Variants in KLHL28 observed in about 807,000 individuals in gnomAD.
KLHL28 encodes the protein kelch like family member 28.
A neutral mutation model predicts 48.3 loss-of-function variants in KLHL28; 22 were observed. That is an observed-to-expected ratio of 0.46 (90% CI 0.33 to 0.65). The LOEUF (loss-of-function observed/expected upper bound fraction) is 0.65. KLHL28 is among the 30% of genes least tolerant of loss of function. The pLI, the probability that KLHL28 is intolerant of heterozygous loss-of-function variation, is 0.03. For synonymous variants in KLHL28, 243 were observed against 242.4 expected (o/e 1.00, Z -0.02); for missense variants, 527 against 704.3 (o/e 0.75, Z 2.85).
At chr14:44,940,210 C>A (rs992677587) in intron 2 of KLHL28, among the ~76,000 whole-genome samples, 2 of 152,216 alleles carry the variant, frequency 1.3e-5, no homozygotes, top group African/African-American at 2.4e-5. Context: ...TAGCATTAAT[C>A]CCTTCATGAG....
At chr14:44,931,847 C>G (rs949766266) in intron 3 of KLHL28, among the ~76,000 whole-genome samples, 10 of 152,018 alleles carry the variant, frequency 6.6e-5, no homozygotes, top group Admixed American at 1.3e-4. Context: ...TAGGGCTGAA[C>G]GAACCTTAAC....
rs1566572543 is a variant in KLHL28 at position 44,945,761 on chromosome 14, G to A, written c.168C>T (p.Val56=). ...IHAHKVVLAS[V]SPYFKAMFTG... The stretch of plus-strand genomic sequence containing the variant: ...TGAACATAGCTTTGAAATACGGGCT[G>A]ACGCTGGCAAGTACCACTTTGTGAG... Residue 56 remains valine, a synonymous_variant, in exon 2 of 5, where the codon GTC becomes GTT. Transcript: ENST00000396128. 2 of 1,614,158 alleles carry A rather than the reference G, an allele frequency of 1.2e-6. No homozygotes were observed. Among genetic ancestry groups the A allele is most frequent in the Non-Finnish European group, 1.7e-6 (2 of 1,180,028 alleles).
intron 3 of KLHL28, 35 bp downstream of exon 3, chr14:44,934,080 A>T: frequency 6.7e-7 from 1 of 1,495,774 alleles, no homozygotes; most frequent in Non-Finnish European, 9.1e-7. Flanking sequence ...TTAAAAATCC[A>T]TAAACATATG....
chr14:44,943,325 A>C (rs1205993371), intron 2 of KLHL28, among the ~76,000 whole-genome samples: 1 of 152,226 alleles, frequency 6.6e-6, no homozygotes, highest in African/African-American at 2.4e-5. Context: ...TTCTATGTGT[A>C]GCCCAGTCTC....
intron 2 of KLHL28, among the ~76,000 whole-genome samples, chr14:44,938,303 A>G (rs1883910338): frequency 1.3e-5 from 2 of 152,168 alleles, no homozygotes; most frequent in Non-Finnish European, 2.9e-5. Flanking sequence ...CTCCTTCCAA[A>G]AGGGAGAAAA....
intron 4 of KLHL28, among the ~76,000 whole-genome samples, chr14:44,930,669 C>G (rs931358776): frequency 1.3e-5 from 2 of 152,208 alleles, no homozygotes; most frequent in Non-Finnish European, 2.9e-5. Flanking sequence ...ACCTGGTAAG[C>G]ATAATTCAAA....
chr14:44,928,939 G>A lies in KLHL28; in HGVS notation c.*89C>T, dbSNP rs1170921883. ...TACTTCAAGTTAAAAAGAAAGCAAT[G>A]CAGCTTGTGGGTTTCAGAAAACTGG... On this transcript the variant is annotated 3_prime_UTR_variant, in exon 5 of 5. Transcript: ENST00000396128. 3 of 1,187,920 alleles carry A rather than the reference G, an allele frequency of 2.5e-6. No individual in the cohort carries two copies. Among genetic ancestry groups the A allele is most frequent in the African/African-American group, 3.1e-5 (2 of 64,986 alleles). 73.6% of individuals were successfully genotyped at this position (1,187,920 alleles called of 1,614,324 possible).
rs1024025888 is a variant in KLHL28 at position 44,945,776 on chromosome 14, C to T, written c.153G>A (p.Val51=). 8.7e-6 allele frequency: 14 copies of T among 1,614,106 alleles called. No homozygotes were observed. The Middle Eastern group carries it at 4.9e-4, about 57-fold the overall frequency. The change falls in exon 2 of 5, where the codon GTG becomes GTA. Residue 51 remains valine (V), a synonymous_variant. Coordinates refer to ENST00000396128, the MANE Select transcript of KLHL28 (RefSeq NM_017658.5). ...VGDVKIHAHK[V]VLASVSPYFK... is the part of the protein sequence containing the mutation. ...AATACGGGCTGACGCTGGCAAGTAC[C>T]ACTTTGTGAGCATGAATTTTAACAT...
rs180773730 is a variant in KLHL28, at chr14:44,953,909, A to G, written c.-1+7937T>C. Among the ~76,000 whole-genome samples, 311 of 152,338 alleles carry G rather than the reference A, an allele frequency of 2.0e-3. 1 individual carries two copies. Among genetic ancestry groups the G allele is most frequent in the African/African-American group, 7.3e-3 (302 of 41,592 alleles). ...TGGAATAAAGAAATCGTAAGTAAAA[A>G]TATAAATGAGACTGAGAAAAATATT... On this transcript the variant is annotated intron_variant, in intron 1 of 4. Transcript: ENST00000396128.
At chr14:44,930,126 C>G (rs955907413) in intron 4 of KLHL28, among the ~76,000 whole-genome samples, 1 of 152,084 alleles carries the variant, frequency 6.6e-6, no homozygotes, top group Non-Finnish European at 1.5e-5. Context: ...GTGGCTTTCC[C>G]TCTCAAGGAT....
rs1324249576 is a variant in KLHL28, at chr14:44,924,479, A to C, written c.*4549T>G. The C allele has an allele frequency of 2.6e-5, 4 of 152,602 alleles. No homozygotes were observed. Among genetic ancestry groups the C allele is most frequent in the Non-Finnish European group, 5.9e-5 (4 of 68,010 alleles). The allele number at this position is 152,602 out of a possible 1,614,324, so 9.5% of individuals were successfully genotyped here. ...AATGACACTTTAGTGTGTAAACATA[A>C]ATAAAATAAAACCCTGATGCTAAAA... On this transcript the variant is annotated 3_prime_UTR_variant, in exon 5 of 5. Transcript: ENST00000396128.
At chr14:44,940,029 G>T (rs529807946) in intron 2 of KLHL28, among the ~76,000 whole-genome samples, 1 of 152,326 alleles carries the variant, frequency 6.6e-6, no homozygotes, top group Non-Finnish European at 1.5e-5. Context: ...AGTTTTGGGG[G>T]CTGTAAAGTC....
chr14:44,940,317 C>G (rs928448064), intron 2 of KLHL28, among the ~76,000 whole-genome samples: 1 of 152,132 alleles, frequency 6.6e-6, no homozygotes, highest in African/African-American at 2.4e-5. Context: ...TTTGGAGGGA[C>G]ACATTTAAAC....
chr14:44,953,863 A>C (rs762610031), intron 1 of KLHL28, among the ~76,000 whole-genome samples: 11 of 152,206 alleles, frequency 7.2e-5, no homozygotes, highest in Non-Finnish European at 1.2e-4. Flanking sequence ...AATAGGTAAA[A>C]CTGATTACAT....
chr14:44,950,722 T>C (rs749452622), intron 1 of KLHL28, among the ~76,000 whole-genome samples: 19 of 152,308 alleles, frequency 1.2e-4, no homozygotes, highest in Admixed American at 3.3e-4. Context: ...ATAGACAAAA[T>C]TGTATAAAAA....
In KLHL28 at chr14:44,931,544, GC is replaced by G. The variant is rs1883589046; in HGVS notation, c.1344-4del. 6.2e-7 allele frequency: 1 copy of G among 1,600,002 alleles called. No individual in the cohort carries two copies. The highest frequency in any genetic ancestry group is 1.3e-5 in the African/African-American group (1 of 74,280). On this transcript the variant is annotated splice_region_variant and splice_polypyrimidine_tract_variant and intron_variant, in intron 3 of 4. Transcript: ENST00000396128. ...TACTTGGATCATAACGCTCCACACT[GC>G]AAATATTTAAAAAAAATTTAATTTA...
chr14:44,937,878 AACTC>A (rs1427941943), intron 2 of KLHL28, among the ~76,000 whole-genome samples: 1 of 152,094 alleles, frequency 6.6e-6, no homozygotes, highest in African/African-American at 2.4e-5. Flanking sequence ...CTCTAGCAAT[AACTC>A]ACTCACTCCC....
At chr14:44,947,010 T>C (rs1166045398) in intron 1 of KLHL28, among the ~76,000 whole-genome samples, 1 of 152,178 alleles carries the variant, frequency 6.6e-6, no homozygotes, top group Non-Finnish European at 1.5e-5. Context: ...GGCAGAATAA[T>C]GGCTCCCCAA....
Position 44,934,484 on chromosome 14 carries a change from C to A in KLHL28, c.974G>T (p.Gly325Val). Residue 325 changes from glycine (G) to valine (V), a missense_variant, in exon 3 of 5, where the codon GGA (glycine) becomes GTA (valine). Physicochemically the swap from Gly to Val is moderately radical, Grantham distance 109 (BLOSUM62 -3). Coordinates refer to ENST00000396128, the MANE Select transcript of KLHL28 (RefSeq NM_017658.5). The part of the protein sequence containing the change: ...APLNIPRYEF[G>V]ICVLDQKVYV... ...TACTTTTTGGTCTAAAACGCATATTCCAAATTCATAGCGAGGAATGTTTAG... is the reference window on the plus strand; with the variant it reads ...TACTTTTTGGTCTAAAACGCATATTACAAATTCATAGCGAGGAATGTTTAG... The A allele has an allele frequency of 1.2e-6, 2 of 1,613,818 alleles. No homozygotes were observed. Among genetic ancestry groups the A allele is most frequent in the Non-Finnish European group, 1.7e-6 (2 of 1,179,874 alleles).
Sources: allele counts gnomAD v4.1 joint callset (sites outside exome capture counted in the v4.1 genomes callset), GRCh38; gene constraint gnomAD v4.1.1; transcripts MANE v1.5; gene names NCBI Gene and HGNC (gene_info 2026-07-23, HGNC 2026-07-21).